The following C4orf50 variants were observed in gnomAD, a reference collection of about 807,000 sequenced individuals.
C4orf50 encodes uncharacterized protein C4orf50.
C4orf50 carries 80 observed loss-of-function variants against 77.2 expected under a neutral mutation model. The ratio of observed to expected loss-of-function variants is 1.04; its 90% CI spans 0.87 to 1.25. The LOEUF (loss-of-function observed/expected upper bound fraction) is 1.25, where lower values mean the gene tolerates loss of function less well. C4orf50 is among the 50% of genes most tolerant of loss of function. The pLI is 0.00. For missense variants in C4orf50, 1,257 were observed against 1,152.9 expected (o/e 1.09, Z -1.31); for synonymous variants, 532 against 465.3 (o/e 1.14, Z -1.84).
At chr4:5,968,390 C>T (rs918486371) in intron 31 of C4orf50, among the ~76,000 whole-genome samples, 4 of 152,206 alleles carry the variant, frequency 2.6e-5, no homozygotes, top group Non-Finnish European at 5.9e-5. Flanking sequence ...TAATACTCTG[C>T]GGCATGGGTT....
exon 28 of C4orf50, chr4:5,988,624 C>T (rs1560585091): frequency 5.2e-6 from 8 of 1,536,194 alleles, no homozygotes; most frequent in Non-Finnish European, 4.4e-6. Context: ...AAGCAGCTGT[C>T]CTGTGAGTGG....
At chr4:5,942,300 A>T (rs1213475897) in intron 7 of C4orf50, among the ~76,000 whole-genome samples, 1 of 152,236 alleles carries the variant, frequency 6.6e-6, no homozygotes, top group Admixed American at 6.5e-5. Flanking sequence ...GTCTGGGCAC[A>T]GTCCAAGGGC....
chr4:5,956,011 G>T (rs892412734), downstream of C4orf50, among the ~76,000 whole-genome samples: 1 of 152,172 alleles, frequency 6.6e-6, no homozygotes, highest in African/African-American at 2.4e-5. Flanking sequence ...AACCTCCTCT[G>T]ACCCAGGATT....
chr4:5,984,891 A>G (rs1351110289), intron 28 of C4orf50, among the ~76,000 whole-genome samples: 1 of 152,030 alleles, frequency 6.6e-6, no homozygotes, highest in Non-Finnish European at 1.5e-5. Context: ...CAAGCAGGAC[A>G]AAAACAAATA....
chr4:5,955,908 C>A (rs1213786816), downstream of C4orf50, among the ~76,000 whole-genome samples: 1 of 152,136 alleles, frequency 6.6e-6, no homozygotes, highest in Non-Finnish European at 1.5e-5. The surrounding 1 kb of genome is among the most constrained non-coding windows in gnomAD (Gnocchi z 5.1). Context: ...GCCCCAGGCA[C>A]CCCCAAGCTC....
At chr4:5,912,388 G>A (rs189578407) in intron 7 of C4orf50, among the ~76,000 whole-genome samples, 16 of 152,138 alleles carry the variant, frequency 1.1e-4, no homozygotes, top group Admixed American at 1.0e-3. Flanking sequence ...GGAAAAAATT[G>A]GAATGAGGAA....
chr4:6,002,537 T>C (rs905507240), intron 25 of C4orf50, among the ~76,000 whole-genome samples: 2 of 152,204 alleles, frequency 1.3e-5, no homozygotes, highest in African/African-American at 4.8e-5. Flanking sequence ...CTGCAGCAGC[T>C]AGCTCCAAAC....
At chr4:5,957,355 C>T (rs528004103) in exon 34 of C4orf50, 5 of 152,260 alleles carry the variant, frequency 3.3e-5, no homozygotes, top group African/African-American at 4.8e-5. Flanking sequence ...TCCTCGGCTG[C>T]ACCGGGTTTC....
In C4orf50 at chr4:5,988,542, G is replaced by A. The variant is rs779947047; in HGVS notation, c.3504C>T (p.Gly1168=). The stretch of plus-strand genomic sequence containing the variant: ...CAGCACCGCGTCTGGAATTCCCGGT[G>A]CCTGTGGAAGGTCCTGTCTGCCCTG... Residue 1168 remains glycine (G), a synonymous_variant, in exon 28 of 34, where the codon GGC becomes GGT. Coordinates refer to ENST00000531445, the Ensembl canonical transcript of C4orf50. 3.3e-6 allele frequency: 5 copies of A among 1,537,314 alleles called. No homozygotes were observed. The South Asian group carries it at 4.8e-5, about 15-fold the overall frequency.
chr4:5,973,745 G>A (rs776168022), exon 31 of C4orf50: 3 of 1,614,046 alleles, frequency 1.9e-6, no homozygotes, highest in South Asian at 1.1e-5. Flanking sequence ...TCGGAGAGCA[G>A]GAGGTTCCCC....
chr4:5,977,035 T>C (rs1029523189), intron 29 of C4orf50, among the ~76,000 whole-genome samples: 9 of 152,160 alleles, frequency 5.9e-5, no homozygotes, highest in Admixed American at 5.2e-4. Flanking sequence ...AGGTGCCCTC[T>C]GGGGAGACCG....
exon 8 of C4orf50, chr4:5,898,018 C>T (rs1440951607): frequency 6.6e-6 from 1 of 152,224 alleles, no homozygotes; most frequent in African/African-American, 2.4e-5. Flanking sequence ...GCATAGGAGA[C>T]CTTGTAGATT....
chr4:6,004,780 T>C (rs1722177966), intron 25 of C4orf50, among the ~76,000 whole-genome samples: 1 of 150,280 alleles, frequency 6.7e-6, no homozygotes, highest in Admixed American at 6.6e-5. Context: ...ATGACGGCGA[T>C]GGTGATGGTG....
chr4:6,016,073 C>G (rs1722673848), intron 23 of C4orf50, among the ~76,000 whole-genome samples: 1 of 152,194 alleles, frequency 6.6e-6, no homozygotes, highest in African/African-American at 2.4e-5. Context: ...GGTAAATAAT[C>G]ATCTTACTTG....
rs192496289 is a variant in C4orf50, at chr4:6,017,148, G to A, written c.287+997C>T. Among the ~76,000 whole-genome samples, 2 of 152,348 alleles carry A rather than the reference G, an allele frequency of 1.3e-5. No individual in the cohort carries two copies. Among genetic ancestry groups the A allele is most frequent in the East Asian group, 3.9e-4 (2 of 5,184 alleles). ...AGGCAAACAGTGCCCACAGCAGGAA[G>A]TTCTACAGAGAGAAACGAATGCGGA... On this transcript the variant is annotated intron_variant, in intron 23 of 33. Coordinates refer to ENST00000531445, the Ensembl canonical transcript of C4orf50. The surrounding 1 kb of genome is among the most constrained non-coding windows in gnomAD (Gnocchi z 4.7).
intron 7 of C4orf50, among the ~76,000 whole-genome samples, chr4:5,925,266 A>G (rs1241050213): frequency 6.8e-6 from 1 of 146,420 alleles, no homozygotes; most frequent in Non-Finnish European, 1.5e-5. Context: ...TGAAGCAGCA[A>G]GGAGGTGTGG....
chr4:5,941,190 C>T (rs941937456), intron 7 of C4orf50, among the ~76,000 whole-genome samples: 5 of 152,184 alleles, frequency 3.3e-5, no homozygotes, highest in African/African-American at 1.2e-4. Context: ...TAATTGGGTG[C>T]TTCCTTTGTG....
Position 5,906,011 on chromosome 4 carries a change from G to A in C4orf50, c.*2475-7823C>T, listed in dbSNP as rs1269972299. On this transcript the variant is annotated intron_variant, in intron 7 of 7. Transcript: ENST00000324058. ...CATCAAACAAATGCAAGTCCCAGGTGCTGCTGTAAAGGAGGAGGGGTAACA... is the reference window on the plus strand; with the variant it reads ...CATCAAACAAATGCAAGTCCCAGGTACTGCTGTAAAGGAGGAGGGGTAACA... 2.6e-5 allele frequency among the ~76,000 whole-genome samples: 4 copies of A among 152,142 alleles called. No homozygotes were observed. In the East Asian group the frequency reaches 7.7e-4, roughly 29 times the overall value.
In C4orf50 at chr4:5,905,836, T is replaced by C. The variant is rs1716525736; in HGVS notation, c.*2475-7648A>G. ...AGAAGAAAGACAAACTGGGGTGCTC[T>C]GGGATGTCGTCATTTGTTCGTCCAA... On this transcript the variant is annotated intron_variant, in intron 7 of 7. Coordinates refer to the C4orf50 transcript ENST00000324058. This position sits in a 1 kb window ranked among gnomAD's most constrained non-coding sequence, Gnocchi z 5.4. 6.8e-6 allele frequency among the ~76,000 whole-genome samples: 1 copy of C among 146,550 alleles called. No individual in the cohort carries two copies. Among genetic ancestry groups the C allele is most frequent in the African/African-American group, 2.6e-5 (1 of 38,410 alleles).
Sources: gnomAD v4.1 joint callset for allele counts (sites outside exome capture counted in the v4.1 genomes callset) on GRCh38, gnomAD v4.1.1 for gene constraint, Gnocchi (gnomAD v3.1) non-coding constraint, MANE v1.5 for transcripts, NCBI Gene and HGNC (gene_info 2026-07-23, HGNC 2026-07-21) for gene names.